The following CNST variants were observed in gnomAD, a reference collection of about 807,000 sequenced individuals.
CNST encodes the protein consortin.
A neutral mutation model predicts 72.4 loss-of-function variants in CNST; 39 were observed. The observed-to-expected ratio is 0.54, with a 90% CI of 0.42 to 0.70. CNST has a LOEUF of 0.70. CNST is among the 30% of genes least tolerant of loss of function. The pLI, the probability that CNST is intolerant of heterozygous loss-of-function variation, is 0.00. For synonymous variants in CNST, 332 were observed against 320.1 expected, an observed-to-expected ratio of 1.04 and a Z score of -0.40; for missense variants, 871 against 868.5, an observed-to-expected ratio of 1.00 and a Z score of -0.04.
intron 2 of CNST, among the ~76,000 whole-genome samples, chr1:246,618,955 A>C (rs1482999044): frequency 6.6e-6 from 1 of 152,152 alleles, no homozygotes; most frequent in East Asian, 1.9e-4. Flanking sequence ...AATAGTCTTC[A>C]AGGGTTTTAT....
chr1:246,641,603 A>C, intron 6 of CNST, 146 bp from the exon 7 acceptor site: 1 of 597,464 alleles, frequency 1.7e-6, no homozygotes, highest in Non-Finnish European at 3.0e-6. Flanking sequence ...AGCCAGTGGT[A>C]ATGTTTCAGC....
intron 2 of CNST, chr1:246,606,323 G>C (rs1662809472): frequency 1.3e-5 from 2 of 151,964 alleles, no homozygotes; most frequent in Admixed American, 1.3e-4. Flanking sequence ...CCTCCTAGAA[G>C]GTTTGTTGGG....
chr1:246,663,151 G>A (rs976957186), intron 10 of CNST, among the ~76,000 whole-genome samples: 1 of 151,814 alleles, frequency 6.6e-6, no homozygotes, highest in African/African-American at 2.4e-5. Flanking sequence ...GCCAGGAGTT[G>A]GAGACCAGCC....
At chr1:246,588,879 T>C (rs1260597175) in intron 1 of CNST, among the ~76,000 whole-genome samples, 1 of 152,162 alleles carries the variant, frequency 6.6e-6, no homozygotes, top group East Asian at 1.9e-4. Flanking sequence ...ATACCCAAGT[T>C]ATTCCAAACA....
In CNST at chr1:246,648,122, G is replaced by T. The variant is rs565428333; in HGVS notation, c.1836+85G>T. On this transcript the variant is annotated intron_variant, in intron 9 of 10. Coordinates refer to ENST00000366513, the MANE Select transcript of CNST (RefSeq NM_152609.3). ...ATTAAATATTGCCTTGTTTTTGTAA[G>T]TTTTCCCTTGTCTCAAACATGAGGG... 53 of 1,477,184 alleles carry T rather than the reference G, an allele frequency of 3.6e-5. No homozygotes were observed. The African/African-American group carries it at 7.1e-4, about 20-fold the overall frequency. The allele number at this position is 1,477,184 out of a possible 1,614,324, so 91.5% of individuals were successfully genotyped here.
At chr1:246,575,128 G>C (rs1660321744) in intron 1 of CNST, among the ~76,000 whole-genome samples, 1 of 152,022 alleles carries the variant, frequency 6.6e-6, no homozygotes, top group Admixed American at 6.6e-5. Flanking sequence ...CGAGTAGCTG[G>C]GATTACAGGC....
chr1:246,643,506 T>A (rs1665854770), intron 8 of CNST, among the ~76,000 whole-genome samples: 2 of 152,200 alleles, frequency 1.3e-5, no homozygotes, highest in Admixed American at 1.3e-4. Flanking sequence ...GCGCAGCACC[T>A]CCTCCTGCTT....
At chr1:246,639,836 C>T (rs553685244) in intron 6 of CNST, among the ~76,000 whole-genome samples, 13 of 152,140 alleles carry the variant, frequency 8.5e-5, no homozygotes, top group Non-Finnish European at 1.9e-4. Context: ...AAAATGGCGT[C>T]AGCCCCACAT....
chr1:246,595,362 A>T (rs1237905423), intron 2 of CNST, among the ~76,000 whole-genome samples: 1 of 152,116 alleles, frequency 6.6e-6, no homozygotes, highest in Admixed American at 6.5e-5. Context: ...GGTCTGAGTA[A>T]TGTTATCTCC....
intron 1 of CNST, among the ~76,000 whole-genome samples, chr1:246,574,025 A>G (rs557863800): frequency 6.6e-6 from 1 of 152,308 alleles, no homozygotes; most frequent in African/African-American, 2.4e-5. Context: ...TCTTGATTAC[A>G]GAAGTAATAA....
At chr1:246,660,476 A>C (rs1667035558) in intron 10 of CNST, 142 bp downstream of exon 10, 1 of 819,748 alleles carries the variant, frequency 1.2e-6, no homozygotes, top group African/African-American at 1.7e-5. Context: ...CTGTAATCCC[A>C]GCACTTTAGG....
chr1:246,658,551 C>G (rs1052558643), intron 9 of CNST, among the ~76,000 whole-genome samples: 1 of 152,080 alleles, frequency 6.6e-6, no homozygotes, highest in Non-Finnish European at 1.5e-5. Context: ...CTATTTGGCC[C>G]TAAAAGCCCT....
At chr1:246,658,965 G>A (rs1422453449) in intron 9 of CNST, among the ~76,000 whole-genome samples, 3 of 152,176 alleles carry the variant, frequency 2.0e-5, no homozygotes, top group Admixed American at 6.5e-5. Flanking sequence ...CCTAAATGGC[G>A]AGGGTTTTTG....
chr1:246,649,162 T>G lies in CNST; in HGVS notation c.1836+1125T>G, dbSNP rs1467971484. Among the ~76,000 whole-genome samples the G allele has an allele frequency of 3.6e-4, 4 of 11,080 alleles. 1 individual carries two copies. Among genetic ancestry groups the G allele is most frequent in the Admixed American group, 1.6e-3 (2 of 1,214 alleles). 7.3% of individuals were successfully genotyped at this position (11,080 alleles called of 152,430 possible). A position where few individuals can be genotyped will look rare whatever the true frequency, so the allele number is the denominator to read the frequency against. ...TAATTCTCTACAGACTGTTGTTTTGTTTTTTTTTTTTTTTCGTAGTTTTTG... is the reference window on the plus strand; with the variant it reads ...TAATTCTCTACAGACTGTTGTTTTGGTTTTTTTTTTTTTTCGTAGTTTTTG... On this transcript the variant is annotated intron_variant, in intron 9 of 10. Coordinates refer to ENST00000366513, the MANE Select transcript of CNST (RefSeq NM_152609.3).
At position 246,634,452 on chromosome 1, in the gene CNST, TAACA is replaced by T. The variant is rs763814011; in HGVS notation, c.704-18_704-15del. 6.9e-7 allele frequency: 1 copy of T among 1,451,930 alleles called. No homozygotes were observed. The highest frequency in any genetic ancestry group is 9.4e-7 in the Non-Finnish European group (1 of 1,062,700). The allele number at this position is 1,451,930 out of a possible 1,614,324, so 89.9% of individuals were successfully genotyped here. On this transcript the variant is annotated splice_polypyrimidine_tract_variant and intron_variant, in intron 5 of 10. Transcript: ENST00000366513. ...AATATGTTTTATAAGAGCCAGTGACTAACAAATACTTTAAATTTAGAAACAAAAT... is the reference window on the plus strand; with the variant it reads ...AATATGTTTTATAAGAGCCAGTGACTAATACTTTAAATTTAGAAACAAAAT...
At position 246,647,666 on chromosome 1, in the gene CNST, C is replaced by A; in HGVS notation, c.1465C>A (p.Leu489Ile). 3.7e-6 allele frequency: 6 copies of A among 1,614,186 alleles called. No homozygotes were observed. The highest frequency in any genetic ancestry group is 5.1e-6 in the Non-Finnish European group (6 of 1,180,038). The change falls in exon 9 of 11, where the codon CTT (leucine) becomes ATT (isoleucine). Residue 489 changes from leucine to isoleucine, a missense_variant. By Grantham distance (5) the Leu-to-Ile change is conservative. Coordinates refer to ENST00000366513, the MANE Select transcript of CNST (RefSeq NM_152609.3). Reference sequence around the variant, plus strand: ...ATTAAATGAGCTGCAGCAGCCTGATCTTACAGACAGTGATGGAAAATCACC... The same window carrying A: ...ATTAAATGAGCTGCAGCAGCCTGATATTACAGACAGTGATGGAAAATCACC... ...NELNELQQPD[L>I]TDSDGKSPQA...
chr1:246,636,139 C>A (rs185996957), intron 6 of CNST, among the ~76,000 whole-genome samples: 5 of 152,204 alleles, frequency 3.3e-5, no homozygotes, highest in Non-Finnish European at 7.3e-5. Flanking sequence ...TGACAAGACA[C>A]AATTGAGGTA....
At chr1:246,648,643 A>G (rs1381570058) in intron 9 of CNST, among the ~76,000 whole-genome samples, 1 of 152,142 alleles carries the variant, frequency 6.6e-6, no homozygotes, top group South Asian at 2.1e-4. Context: ...ACTACAGCAC[A>G]CTCACGAAGG....
chr1:246,636,213 G>A (rs539830801), intron 6 of CNST, among the ~76,000 whole-genome samples: 180 of 152,140 alleles, frequency 1.2e-3, no homozygotes, highest in South Asian at 4.1e-4. Context: ...CTGTGGAGGC[G>A]TTGACTGTTA....
Sources: allele counts gnomAD v4.1 joint callset (sites outside exome capture counted in the v4.1 genomes callset), GRCh38; gene constraint gnomAD v4.1.1; transcripts MANE v1.5; gene names NCBI Gene and HGNC (gene_info 2026-07-23, HGNC 2026-07-21).